The following EML6 variants were observed in gnomAD, a reference collection of about 807,000 sequenced individuals.
EML6 encodes echinoderm microtubule-associated protein-like 6.
EML6 carries 154 observed loss-of-function variants against 240.1 expected under a neutral mutation model. That is an observed-to-expected ratio of 0.64 (90% CI 0.56 to 0.73). EML6 has a LOEUF of 0.73. Among genes scored for constraint, EML6 ranks in the 30% least tolerant of loss-of-function variants. The pLI is 0.00. For synonymous variants in EML6, 1,148 were observed against 899.0 expected (o/e 1.28, Z -4.95); for missense variants, 2,964 against 2,474.6 (o/e 1.20, Z -4.20).
At chr2:54,756,803 C>T (rs1667755216) in intron 2 of EML6, among the ~76,000 whole-genome samples, 1 of 151,896 alleles carries the variant, frequency 6.6e-6, no homozygotes, top group Admixed American at 6.6e-5. Context: ...ATCCATTGAT[C>T]TTGCCTTTTT....
chr2:54,942,309 A>C (rs1675471600), intron 28 of EML6, among the ~76,000 whole-genome samples: 2 of 152,228 alleles, frequency 1.3e-5, no homozygotes, highest in African/African-American at 4.8e-5. Context: ...CTACTCACTT[A>C]TGGAGATAAA....
At chr2:54,855,729 C>G (rs1180220119) in intron 11 of EML6, among the ~76,000 whole-genome samples, 1 of 152,092 alleles carries the variant, frequency 6.6e-6, no homozygotes, top group Non-Finnish European at 1.5e-5. Flanking sequence ...GACTTGTGTT[C>G]TACTTTTCAT....
chr2:54,869,004 T>C, intron 14 of EML6, 177 bp from the exon 15 acceptor site: 1 of 509,058 alleles, frequency 2.0e-6, no homozygotes, highest in Non-Finnish European at 3.5e-6. Context: ...TTTTTGAGAG[T>C]CATCTCATGC....
intron 28 of EML6, among the ~76,000 whole-genome samples, chr2:54,943,374 G>T (rs1412213334): frequency 1.3e-5 from 2 of 152,036 alleles, no homozygotes; most frequent in Admixed American, 6.6e-5. Flanking sequence ...CTCTCCCACA[G>T]CCAGATCCAT....
intron 2 of EML6, among the ~76,000 whole-genome samples, chr2:54,796,981 G>A (rs1455847049): frequency 6.6e-6 from 1 of 151,730 alleles, no homozygotes; most frequent in Non-Finnish European, 1.5e-5. Context: ...GGCTAACGTG[G>A]TGAAACCTGG....
chr2:54,793,385 CTTTT>C (rs10683746), intron 2 of EML6, among the ~76,000 whole-genome samples: 2 of 121,800 alleles, frequency 1.6e-5, no homozygotes. Flanking sequence ...TATGAGTAGG[CTTTT>C]TTTTTTTTTT....
chr2:54,881,836 T>G (rs1449234095), intron 17 of EML6: 1 of 152,248 alleles, frequency 6.6e-6, no homozygotes, highest in Non-Finnish European at 1.5e-5. Context: ...CAGCCTCATT[T>G]ATAGAGCAAG....
Position 54,727,314 on chromosome 2 carries a change from G to A in EML6, c.197+2056G>A, listed in dbSNP as rs977266235. 5.0e-5 allele frequency among the ~76,000 whole-genome samples: 7 copies of A among 139,234 alleles called. 1 individual carries two copies. Among genetic ancestry groups the A allele is most frequent in the African/African-American group, 1.1e-4 (4 of 35,090 alleles). 91.3% of individuals were successfully genotyped at this position (139,234 alleles called of 152,430 possible). On this transcript the variant is annotated intron_variant, in intron 2 of 41. Transcript: ENST00000356458. Reference sequence around the variant, plus strand: ...TGGTTGGGTCAGAGTATGTATAGGTGAGCAGAGCAGAGCAGAGTTCCTTAA... The same window carrying A: ...TGGTTGGGTCAGAGTATGTATAGGTAAGCAGAGCAGAGCAGAGTTCCTTAA...
At chr2:54,968,839 C>G (rs1297954272) in intron 41 of EML6, 71 bp downstream of exon 41, 1 of 818,568 alleles carries the variant, frequency 1.2e-6, no homozygotes, top group Non-Finnish European at 2.0e-6. Context: ...TCAGGCATCC[C>G]GTGGGTCAGC....
chr2:54,967,152 C>T, intron 39 of EML6, 49 bp downstream of exon 39: 2 of 1,225,260 alleles, frequency 1.6e-6, no homozygotes, highest in Non-Finnish European at 2.3e-6. Flanking sequence ...AAGGGAGTCT[C>T]TTGTCTCACT....
intron 2 of EML6, among the ~76,000 whole-genome samples, chr2:54,755,749 C>A (rs1319421575): frequency 5.9e-5 from 9 of 152,080 alleles, no homozygotes; most frequent in African/African-American, 1.9e-4. Flanking sequence ...CACCCTCCAC[C>A]TCCCAGGCTC....
intron 2 of EML6, among the ~76,000 whole-genome samples, chr2:54,755,988 G>T (rs925536529): frequency 6.6e-6 from 1 of 152,074 alleles, no homozygotes; most frequent in African/African-American, 2.4e-5. Flanking sequence ...GAAATTGTAT[G>T]CAGAGGGTTG....
rs999354643 is a variant in EML6 at position 54,724,462 on chromosome 2, G to A, written c.-513-87G>A. On this transcript the variant is annotated intron_variant, in intron 1 of 41. Transcript: ENST00000356458. The surrounding 1 kb of genome is among the most constrained non-coding windows in gnomAD (Gnocchi z 5.2). Reference sequence around the variant, plus strand: ...ACAATTTTTAAAAATACCCAACTTGGTTTAGTTTGGGGATAATTTTCTTGG... The same window carrying A: ...ACAATTTTTAAAAATACCCAACTTGATTTAGTTTGGGGATAATTTTCTTGG... The A allele has an allele frequency of 2.0e-5, 3 of 152,082 alleles. No individual in the cohort carries two copies. Among genetic ancestry groups the A allele is most frequent in the South Asian group, 2.1e-4 (1 of 4,826 alleles). The allele number at this position is 152,082 out of a possible 1,614,324, so 9.4% of individuals were successfully genotyped here. A position where few individuals can be genotyped will look rare whatever the true frequency, so the allele number is the denominator to read the frequency against.
intron 26 of EML6, among the ~76,000 whole-genome samples, chr2:54,920,923 G>A (rs138153038): frequency 3.4e-4 from 51 of 152,174 alleles, no homozygotes; most frequent in African/African-American, 1.2e-3. Flanking sequence ...GATTATCTCA[G>A]TGGATGTGAG....
At chr2:54,960,029 G>A (rs185673696) in intron 34 of EML6, among the ~76,000 whole-genome samples, 191 bp from the exon 35 acceptor site, 17 of 152,334 alleles carry the variant, frequency 1.1e-4, no homozygotes, top group Admixed American at 5.2e-4. Flanking sequence ...TGCAAGCTCA[G>A]GAGGTTGGGA....
At chr2:54,926,197 G>T (rs1417602099) in intron 26 of EML6, among the ~76,000 whole-genome samples, 1 of 152,280 alleles carries the variant, frequency 6.6e-6, no homozygotes, top group Middle Eastern at 3.4e-3. Flanking sequence ...TGCCTCCCAG[G>T]TTCAAGCAAT....
intron 12 of EML6, among the ~76,000 whole-genome samples, chr2:54,860,779 G>C (rs1323643614): frequency 6.6e-6 from 1 of 152,202 alleles, no homozygotes; most frequent in African/African-American, 2.4e-5. Flanking sequence ...TCTTAGGAGT[G>C]GTGACGAGAA....
chr2:54,903,892 C>A (rs558727700), intron 24 of EML6, among the ~76,000 whole-genome samples: 3 of 152,130 alleles, frequency 2.0e-5, no homozygotes, highest in African/African-American at 7.2e-5. Flanking sequence ...CTTGGAGAAC[C>A]GCCCAAAAAG....
Position 54,895,037 on chromosome 2 carries a change from C to T in EML6, c.2854+11C>T. Reference sequence around the variant, plus strand: ...CGACTAGCTCAAAAGGTGCCACTCCCAAACATGTAATAGAGATCTTTGTAT... The same window carrying T: ...CGACTAGCTCAAAAGGTGCCACTCCTAAACATGTAATAGAGATCTTTGTAT... On this transcript the variant is annotated intron_variant, in intron 20 of 41. Transcript: ENST00000356458. 1.3e-6 allele frequency: 2 copies of T among 1,524,134 alleles called. No individual in the cohort carries two copies. Among genetic ancestry groups the T allele is most frequent in the Non-Finnish European group, 1.8e-6 (2 of 1,121,854 alleles). 94.4% of individuals were successfully genotyped at this position (1,524,134 alleles called of 1,614,324 possible).
Sources: allele counts gnomAD v4.1 joint callset (sites outside exome capture counted in the v4.1 genomes callset), GRCh38; gene constraint gnomAD v4.1.1; non-coding constraint Gnocchi (gnomAD v3.1); transcripts MANE v1.5; gene names NCBI Gene and HGNC (gene_info 2026-07-23, HGNC 2026-07-21).